The following IL1RAPL2 variants were observed in gnomAD, a reference collection of about 807,000 sequenced individuals.
The protein encoded by IL1RAPL2 is interleukin 1 receptor accessory protein like 2, also known as X-linked interleukin-1 receptor accessory protein-like 2.
IL1RAPL2 carries 3 observed loss-of-function variants against 44.1 expected under a neutral mutation model. The observed-to-expected ratio is 0.07, with a 90% confidence interval of 0.03 to 0.18. IL1RAPL2 has a LOEUF of 0.18. Ranked by LOEUF, IL1RAPL2 falls within the 10% of genes least tolerant of loss-of-function variation. The pLI is 1.00. For missense variants in IL1RAPL2, 391 were observed against 496.4 expected, an observed-to-expected ratio of 0.79 and a Z score of 2.02; for synonymous variants, 181 against 178.8, an observed-to-expected ratio of 1.01 and a Z score of -0.10.
intron 2 of IL1RAPL2, among the ~76,000 whole-genome samples, chrX:104,718,762 GCCT>G (rs1931625144): frequency 1.8e-5 from 2 of 111,367 alleles, no homozygotes. Context: ...GGTATATGCA[GCCT>G]CAATTTTTGA....
chrX:105,153,750 A>G (rs1287381135), intron 2 of IL1RAPL2, among the ~76,000 whole-genome samples: 7 of 111,737 alleles, frequency 6.3e-5, no homozygotes, highest in African/African-American at 2.0e-4. Flanking sequence ...CTGATTGGCA[A>G]TTGGTTGAGA....
intron 3 of IL1RAPL2, among the ~76,000 whole-genome samples, chrX:105,202,704 A>G (rs1427683425): frequency 1.8e-5 from 2 of 111,668 alleles, no homozygotes; most frequent in Admixed American, 9.5e-5. Context: ...CAGTGGATCA[A>G]TCATTATAAT....
intron 2 of IL1RAPL2, among the ~76,000 whole-genome samples, chrX:104,695,516 A>C (rs1401659191): frequency 9.0e-6 from 1 of 111,209 alleles, no homozygotes; most frequent in East Asian, 2.9e-4. Context: ...TTGAGATGAA[A>C]AAGTGAGAAA....
intron 6 of IL1RAPL2, among the ~76,000 whole-genome samples, chrX:105,623,370 T>A (rs2037433359): frequency 9.1e-6 from 1 of 110,275 alleles, no homozygotes; most frequent in Non-Finnish European, 1.9e-5. Flanking sequence ...CATATATAAA[T>A]GCATATATTT....
chrX:105,007,526 G>T (rs2030964202), intron 2 of IL1RAPL2, among the ~76,000 whole-genome samples: 1 of 111,335 alleles, frequency 9.0e-6, no homozygotes, highest in Admixed American at 9.5e-5. Flanking sequence ...TTAAATCCTA[G>T]TGATATAAAT....
At chrX:104,839,746 T>C (rs886361994) in intron 2 of IL1RAPL2, among the ~76,000 whole-genome samples, 4 of 111,839 alleles carry the variant, frequency 3.6e-5, no homozygotes, top group African/African-American at 9.7e-5. Context: ...AGGCTACTAA[T>C]TACTACCTCA....
intron 5 of IL1RAPL2, among the ~76,000 whole-genome samples, chrX:105,354,421 A>T (rs1215726307): frequency 9.7e-6 from 1 of 102,914 alleles, no homozygotes; most frequent in Non-Finnish European, 2.0e-5. Context: ...CAAACACTGC[A>T]TGTTCTCACT....
In IL1RAPL2 at chrX:105,517,496, G is replaced by T. The variant is rs1486179929; in HGVS notation, c.772+33109G>T. The stretch of plus-strand genomic sequence containing the variant: ...TATAATGCAAATTTGAATGCTTGCT[G>T]TTTTCTGCACTTGCTCTATCATTTC... On this transcript the variant is annotated intron_variant, in intron 6 of 10. Transcript: ENST00000372582. Among the ~76,000 whole-genome samples the T allele has an allele frequency of 3.3e-4, 37 of 111,123 alleles. No homozygotes were observed. In the Admixed American group the frequency reaches 3.6e-3, roughly 11 times the overall value.
At chrX:104,985,949 A>G (rs1181844783) in intron 2 of IL1RAPL2, among the ~76,000 whole-genome samples, 2 of 111,909 alleles carry the variant, frequency 1.8e-5, no homozygotes, top group South Asian at 3.7e-4. Flanking sequence ...GACCCCCAAC[A>G]CTAGTCTTAC....
At chrX:105,512,832 CA>C (rs1251487889) in intron 6 of IL1RAPL2, among the ~76,000 whole-genome samples, 11 of 110,619 alleles carry the variant, frequency 9.9e-5, no homozygotes, top group Admixed American at 1.9e-4. Context: ...GTTTTTTTTA[CA>C]TAGGTATACA....
At chrX:105,678,451 T>TCTAA (rs2037893078) in intron 6 of IL1RAPL2, among the ~76,000 whole-genome samples, 1 of 111,874 alleles carries the variant, frequency 8.9e-6, no homozygotes, top group Middle Eastern at 4.6e-3. Flanking sequence ...ATCTATTATT[T>TCTAA]CTAACTACTT....
At chrX:105,225,542 A>C (rs1556187666) in intron 3 of IL1RAPL2, among the ~76,000 whole-genome samples, 1 of 111,168 alleles carries the variant, frequency 9.0e-6, no homozygotes, top group Non-Finnish European at 1.9e-5. Context: ...ATGAGCTTTA[A>C]ATGAACTATC....
At chrX:104,786,488 C>T (rs1056727816) in intron 2 of IL1RAPL2, among the ~76,000 whole-genome samples, 4 of 111,724 alleles carry the variant, frequency 3.6e-5, no homozygotes, top group Non-Finnish European at 5.6e-5. Context: ...AGAACCTCTG[C>T]GAGGAAGGTG....
At chrX:104,671,784 AG>A (rs1930609828) in intron 2 of IL1RAPL2, among the ~76,000 whole-genome samples, 1 of 111,967 alleles carries the variant, frequency 8.9e-6, no homozygotes, top group Non-Finnish European at 1.9e-5. Flanking sequence ...TGTGATTGAA[AG>A]TCATTAAACA....
In IL1RAPL2 at chrX:105,294,792, G is replaced by A. The variant is rs200574896; in HGVS notation, c.697+27251G>A. On this transcript the variant is annotated intron_variant, in intron 5 of 10. Transcript: ENST00000372582. ...GAGCACATTTCAGGCACTATTCTAG[G>A]TCCTTTACACATGTTATTGCATGTA... Among the ~76,000 whole-genome samples, 4 of 111,731 alleles carry A rather than the reference G, an allele frequency of 3.6e-5. No homozygotes were observed. In the East Asian group the frequency reaches 1.1e-3, roughly 32 times the overall value.
intron 2 of IL1RAPL2, among the ~76,000 whole-genome samples, chrX:105,091,596 C>G (rs983681849): frequency 1.8e-5 from 2 of 112,014 alleles, no homozygotes; most frequent in Admixed American, 9.4e-5. Flanking sequence ...TTAGAAAGAA[C>G]ACTGGTCTTC....
chrX:105,252,061 A>C (rs2034273423), intron 4 of IL1RAPL2, among the ~76,000 whole-genome samples: 1 of 111,229 alleles, frequency 9.0e-6, no homozygotes, highest in South Asian at 3.8e-4. Flanking sequence ...TGTCACTCCA[A>C]GTTCTTCTGT....
intron 2 of IL1RAPL2, among the ~76,000 whole-genome samples, chrX:104,961,864 G>T (rs1229486217): frequency 2.7e-5 from 3 of 112,192 alleles, no homozygotes; most frequent in Non-Finnish European, 5.6e-5. Flanking sequence ...ATGAGTGAAT[G>T]AATTCCGCAA....
chrX:105,713,468 C>A (rs889902578), intron 6 of IL1RAPL2, among the ~76,000 whole-genome samples: 2 of 111,600 alleles, frequency 1.8e-5, no homozygotes, highest in African/African-American at 3.3e-5. Flanking sequence ...CATTTTAAAA[C>A]CATCAGATCT....
Sources: gnomAD v4.1 joint callset for allele counts (sites outside exome capture counted in the v4.1 genomes callset) on GRCh38, gnomAD v4.1.1 for gene constraint, MANE v1.5 for transcripts, NCBI Gene and HGNC (gene_info 2026-07-23, HGNC 2026-07-21) for gene names.